The following HCN1 variants were observed in gnomAD, a reference collection of about 807,000 sequenced individuals.
HCN1 encodes the protein potassium/sodium hyperpolarization-activated cyclic nucleotide-gated channel 1.
A neutral mutation model predicts 78.9 loss-of-function variants in HCN1; 13 were observed. That is an observed-to-expected ratio of 0.16 (90% CI 0.11 to 0.26). The LOEUF (loss-of-function observed/expected upper bound fraction) is 0.26. Among genes scored for constraint, HCN1 ranks in the 10% least tolerant of loss-of-function variants. HCN1 has a pLI of 1.00. For missense variants in HCN1, 810 were observed against 1,154.3 expected (o/e 0.70, Z 4.32); for synonymous variants, 552 against 455.5 (o/e 1.21, Z -2.70).
intron 5 of HCN1, among the ~76,000 whole-genome samples, chr5:45,344,202 C>T (rs1409370639): frequency 2.0e-5 from 3 of 152,086 alleles, no homozygotes; most frequent in East Asian, 1.9e-4. Context: ...AACTCACTCA[C>T]TATCACAAGA....
chr5:45,570,021 T>A (rs1434175990), intron 2 of HCN1, among the ~76,000 whole-genome samples: 2 of 152,086 alleles, frequency 1.3e-5, no homozygotes, highest in Non-Finnish European at 2.9e-5. Flanking sequence ...AAGTAAAAAA[T>A]TTGTAGGTAT....
intron 5 of HCN1, among the ~76,000 whole-genome samples, chr5:45,347,683 G>A (rs1173543439): frequency 6.6e-6 from 1 of 152,182 alleles, no homozygotes; most frequent in African/African-American, 2.4e-5. Context: ...AGCTGATGGA[G>A]CTGAAAGCCA....
chr5:45,349,050 C>T lies in HCN1; in HGVS notation c.1377+4050G>A, dbSNP rs1579830207. 2.6e-5 allele frequency among the ~76,000 whole-genome samples: 4 copies of T among 152,292 alleles called. 1 individual carries two copies. Among genetic ancestry groups the T allele is most frequent in the African/African-American group, 9.6e-5 (4 of 41,548 alleles). On this transcript the variant is annotated intron_variant, in intron 5 of 7. Transcript: ENST00000303230. ...AATAGACATCTACAGAACTCTCCAC[C>T]CCAAATCAATAGAATATACATTTTT... is the stretch of plus-strand genomic sequence containing the variant.
intron 3 of HCN1, among the ~76,000 whole-genome samples, chr5:45,428,921 G>A (rs1048556624): frequency 6.6e-6 from 1 of 152,002 alleles, no homozygotes; most frequent in African/African-American, 2.4e-5. Context: ...GTCAATAAAG[G>A]CTTGAGAGAA....
chr5:45,346,688 A>T (rs1746722008), intron 5 of HCN1, among the ~76,000 whole-genome samples: 1 of 152,210 alleles, frequency 6.6e-6, no homozygotes, highest in Admixed American at 6.5e-5. Context: ...GATGGGCTTA[A>T]AAACCGGCAC....
intron 4 of HCN1, among the ~76,000 whole-genome samples, chr5:45,375,211 T>TAG: frequency 1.7e-5 from 2 of 116,638 alleles, no homozygotes; most frequent in South Asian, 2.3e-4. Context: ...TATTTTATAA[T>TAG]ATATAATATA....
chr5:45,342,100 G>A (rs954564787), intron 5 of HCN1, among the ~76,000 whole-genome samples: 6 of 152,078 alleles, frequency 3.9e-5, no homozygotes, highest in African/African-American at 7.2e-5. Context: ...AACATGGCTC[G>A]TATCATTGCT....
intron 2 of HCN1, among the ~76,000 whole-genome samples, chr5:45,594,904 T>G (rs887447082): frequency 1.3e-5 from 2 of 152,162 alleles, no homozygotes; most frequent in African/African-American, 4.8e-5. Context: ...GGAAAGTTAC[T>G]TGGAAATTCT....
intron 5 of HCN1, among the ~76,000 whole-genome samples, chr5:45,339,437 T>G (rs1242067979): frequency 1.3e-5 from 2 of 152,100 alleles, no homozygotes; most frequent in Non-Finnish European, 2.9e-5. Context: ...AGGCCATCAA[T>G]AGCATTTATT....
intron 6 of HCN1, among the ~76,000 whole-genome samples, chr5:45,297,654 T>A (rs994949716): frequency 5.3e-5 from 8 of 152,014 alleles, no homozygotes; most frequent in Admixed American, 5.3e-4. Context: ...AGAAAGCACA[T>A]TACATGAATA....
chr5:45,530,948 A>C (rs1000910757), intron 2 of HCN1, among the ~76,000 whole-genome samples: 2 of 152,088 alleles, frequency 1.3e-5, no homozygotes, highest in Non-Finnish European at 2.9e-5. Flanking sequence ...AAAAAGACTA[A>C]TGGTGGTGGT....
intron 2 of HCN1, among the ~76,000 whole-genome samples, chr5:45,596,184 C>T (rs1744491690): frequency 6.6e-6 from 1 of 152,080 alleles, no homozygotes; most frequent in Non-Finnish European, 1.5e-5. Flanking sequence ...AGGCATGAGC[C>T]ACCACGCCCA....
Position 45,261,988 on chromosome 5 carries a change from C to T in HCN1, c.2606G>A (p.Arg869Lys), listed in dbSNP as rs372807250. 2.4e-5 allele frequency: 38 copies of T among 1,613,980 alleles called. No individual in the cohort carries two copies. Among genetic ancestry groups the T allele is most frequent in the African/African-American group, 2.0e-4 (15 of 74,902 alleles). The change falls in exon 8 of 8, where the codon AGA (arginine) becomes AAA (lysine). Residue 869 changes from arginine (R) to lysine (K), a missense_variant. This residue lies in a region of HCN1 where 398 missense variants were observed against 381.3 expected (regional missense o/e 1.04). Transcript: ENST00000303230. ...TGTGTTTAAGACTGAGGAAGATTCT[C>T]TTGGAAGAGCAGCTGCTGGTGGAGG... ...APPPPAAALP[R>K]ESSSVLNTDP...
intron 3 of HCN1, among the ~76,000 whole-genome samples, chr5:45,451,421 G>A (rs1314729946): frequency 1.3e-5 from 2 of 151,958 alleles, no homozygotes; most frequent in Non-Finnish European, 2.9e-5. Context: ...CTACATTTTG[G>A]TTTGATTTGC....
intron 2 of HCN1, chr5:45,559,169 C>T (rs1482427623): frequency 1.3e-5 from 2 of 151,978 alleles, no homozygotes; most frequent in Non-Finnish European, 2.9e-5. Flanking sequence ...TGCTCACTGA[C>T]AATACATCTA....
At chr5:45,548,850 T>G (rs1026541625) in intron 2 of HCN1, among the ~76,000 whole-genome samples, 1 of 151,524 alleles carries the variant, frequency 6.6e-6, no homozygotes, top group African/African-American at 2.4e-5. Context: ...TATACACCAA[T>G]AACAGACAAA....
At chr5:45,468,336 C>A (rs1441377354) in intron 2 of HCN1, among the ~76,000 whole-genome samples, 1 of 152,008 alleles carries the variant, frequency 6.6e-6, no homozygotes, top group African/African-American at 2.4e-5. Flanking sequence ...TATTCTTTAT[C>A]AATCATGAGT....
At position 45,528,012 on chromosome 5, in the gene HCN1, G is replaced by A. The variant is rs1742773734; in HGVS notation, c.850-66005C>T. ...ATTAAATTAAAAATAAAATCAATAA[G>A]TTTGCTTTAGTTCCATTTATTTATT... On this transcript the variant is annotated intron_variant, in intron 2 of 7. Coordinates refer to ENST00000303230, the MANE Select transcript of HCN1 (RefSeq NM_021072.4). 4.6e-5 allele frequency among the ~76,000 whole-genome samples: 7 copies of A among 151,034 alleles called. No homozygotes were observed. In the South Asian group the frequency reaches 1.5e-3, roughly 31 times the overall value.
chr5:45,372,850 T>C (rs1447559775), intron 4 of HCN1, among the ~76,000 whole-genome samples: 5 of 143,856 alleles, frequency 3.5e-5, no homozygotes, highest in African/African-American at 1.2e-4. Flanking sequence ...AATATGTTCG[T>C]ATTCTATACA....
Sources: gnomAD v4.1 joint callset for allele counts (sites outside exome capture counted in the v4.1 genomes callset) on GRCh38, gnomAD v4.1.1 for gene constraint, gnomAD v4.1.1 regional missense constraint, MANE v1.5 for transcripts, NCBI Gene and HGNC (gene_info 2026-07-23, HGNC 2026-07-21) for gene names.